Variants in CNTNAP4 observed in about 807,000 individuals in gnomAD.
CNTNAP4 encodes contactin associated protein family member 4.
CNTNAP4 carries 98 observed loss-of-function variants against 148.4 expected under a neutral mutation model. The observed-to-expected ratio is 0.66, with a 90% confidence interval of 0.56 to 0.78. CNTNAP4 has a LOEUF of 0.78. Ranked by LOEUF, CNTNAP4 falls within the 30% of genes least tolerant of loss-of-function variation. CNTNAP4 has a pLI of 0.00. For synonymous variants in CNTNAP4, 730 were observed against 565.1 expected (o/e 1.29, Z -4.14); for missense variants, 1,935 against 1,565.6 (o/e 1.24, Z -3.98).
chr16:76,481,701 A>G (rs1014072850), intron 12 of CNTNAP4, among the ~76,000 whole-genome samples: 4 of 152,196 alleles, frequency 2.6e-5, no homozygotes, highest in Non-Finnish European at 5.9e-5. Flanking sequence ...GGGCAAAATT[A>G]TTATACATTG....
chr16:76,535,780 A>T lies in CNTNAP4; in HGVS notation c.2991A>T (p.Ser997=). The T allele has an allele frequency of 6.2e-7, 1 of 1,613,144 alleles. No individual in the cohort carries two copies. The change falls in exon 18 of 24, where the codon TCA becomes TCT. Residue 997 remains serine, a synonymous_variant. Transcript: ENST00000611870. ...TFSAYTGPFC[S]NEISAYFGSG... ...CTGCATACACAGGGCCATTCTGCTC[A>T]AATGGTAAGTGTGGCATGGAAGACT...
intron 3 of CNTNAP4, among the ~76,000 whole-genome samples, chr16:76,383,607 T>A (rs1336042241): frequency 6.6e-6 from 1 of 152,172 alleles, no homozygotes; most frequent in Non-Finnish European, 1.5e-5. Flanking sequence ...TTGCATACAC[T>A]TATATGCACA....
At chr16:76,544,543 A>G (rs1312485699) in intron 21 of CNTNAP4, among the ~76,000 whole-genome samples, 3 of 152,204 alleles carry the variant, frequency 2.0e-5, no homozygotes, top group Non-Finnish European at 4.4e-5. Flanking sequence ...CAATAATAAT[A>G]TATTGAAAGT....
chr16:76,499,761 C>CT (rs1261328443), intron 15 of CNTNAP4, among the ~76,000 whole-genome samples: 1 of 151,046 alleles, frequency 6.6e-6, no homozygotes, highest in East Asian at 2.0e-4. Context: ...GGTGATGACT[C>CT]TTAACGAGTA....
chr16:76,289,862 C>T (rs1462464633), intron 1 of CNTNAP4, among the ~76,000 whole-genome samples: 1 of 152,130 alleles, frequency 6.6e-6, no homozygotes, highest in Non-Finnish European at 1.5e-5. Flanking sequence ...TGAACCACCG[C>T]ACCTGTCCTT....
intron 12 of CNTNAP4, among the ~76,000 whole-genome samples, chr16:76,482,994 A>T (rs564130982): frequency 6.6e-6 from 1 of 152,272 alleles, no homozygotes; most frequent in South Asian, 2.1e-4. Flanking sequence ...AAGAGAGAAG[A>T]CTTTACAAGT....
chr16:76,316,219 C>A, intron 1 of CNTNAP4, 194 bp from the exon 2 acceptor site: 1 of 606,406 alleles, frequency 1.6e-6, no homozygotes, highest in Non-Finnish European at 2.9e-6. Context: ...TCATATTCTC[C>A]TGTCTTTAAG....
intron 11 of CNTNAP4, 73 bp from the exon 12 acceptor site, chr16:76,479,346 A>G (rs1049751608): frequency 1.9e-5 from 26 of 1,336,024 alleles, no homozygotes; most frequent in Non-Finnish European, 2.5e-5. Flanking sequence ...GATTTGCGGT[A>G]TTTCATGTCC....
intron 2 of CNTNAP4, among the ~76,000 whole-genome samples, chr16:76,354,209 A>G (rs1434520694): frequency 1.3e-5 from 2 of 152,216 alleles, no homozygotes; most frequent in African/African-American, 4.8e-5. Flanking sequence ...AACTTTTACA[A>G]TGATTATATG....
intron 3 of CNTNAP4, among the ~76,000 whole-genome samples, chr16:76,366,399 G>A (rs12919712): frequency 6.6e-6 from 1 of 151,898 alleles, no homozygotes; most frequent in Non-Finnish European, 1.5e-5. Context: ...TTTTCTGTTC[G>A]TGCATTAGTT....
chr16:76,391,175 A>G (rs370134966), intron 3 of CNTNAP4, among the ~76,000 whole-genome samples: 64 of 152,212 alleles, frequency 4.2e-4, no homozygotes, highest in African/African-American at 1.4e-3. Context: ...TCTTTTATCT[A>G]TTGATGTTGA....
intron 11 of CNTNAP4, among the ~76,000 whole-genome samples, chr16:76,478,771 A>G (rs1182561945): frequency 1.3e-5 from 2 of 152,146 alleles, no homozygotes; most frequent in African/African-American, 2.4e-5. Context: ...CATAGTTCAT[A>G]CAAGTATGTC....
At chr16:76,318,490 G>A (rs1445584536) in intron 2 of CNTNAP4, among the ~76,000 whole-genome samples, 23 of 151,626 alleles carry the variant, frequency 1.5e-4, no homozygotes, top group Non-Finnish European at 2.1e-4. Flanking sequence ...TAATGAAACC[G>A]AGACACAAAA....
At chr16:76,381,182 A>G (rs939143695) in intron 3 of CNTNAP4, among the ~76,000 whole-genome samples, 1 of 152,218 alleles carries the variant, frequency 6.6e-6, no homozygotes, top group African/African-American at 2.4e-5. Context: ...TAGTAACTTT[A>G]AAGATGAGAA....
At chr16:76,521,724 G>C (rs2083460635) in intron 16 of CNTNAP4, among the ~76,000 whole-genome samples, 1 of 152,122 alleles carries the variant, frequency 6.6e-6, no homozygotes, top group Non-Finnish European at 1.5e-5. Context: ...TACAATGCCA[G>C]TTGCTATTTA....
At position 76,479,708 on chromosome 16, in the gene CNTNAP4, A is replaced by G. The variant is rs567699253; in HGVS notation, c.1882+170A>G. 3.3e-3 allele frequency among the ~76,000 whole-genome samples: 509 copies of G among 152,292 alleles called. 2 individuals are homozygous for G. The highest frequency in any genetic ancestry group is 0.012 in the African/African-American group (496 of 41,592). Reference sequence around the variant, plus strand: ...TTAAAAAAATAATTAAATGGTAATGATTTTAAATGTCTTTTTTAATGCATG... The same window carrying G: ...TTAAAAAAATAATTAAATGGTAATGGTTTTAAATGTCTTTTTTAATGCATG... On this transcript the variant is annotated intron_variant, in intron 12 of 23. Transcript: ENST00000611870.
chr16:76,347,893 C>T (rs996530276), intron 2 of CNTNAP4, among the ~76,000 whole-genome samples: 5 of 152,140 alleles, frequency 3.3e-5, no homozygotes, highest in African/African-American at 4.8e-5. Flanking sequence ...ATAGTGAGAA[C>T]TTCGTCTTTC....
chr16:76,466,616 C>T (rs2143487606), intron 9 of CNTNAP4, among the ~76,000 whole-genome samples: 1 of 151,920 alleles, frequency 6.6e-6, no homozygotes, highest in Non-Finnish European at 1.5e-5. Context: ...GATAGAGAAA[C>T]ATTTAGAATG....
intron 1 of CNTNAP4, among the ~76,000 whole-genome samples, chr16:76,284,070 AT>A (rs1958790363): frequency 6.6e-6 from 1 of 151,932 alleles, no homozygotes; most frequent in Admixed American, 6.6e-5. Flanking sequence ...CTTATTTTTC[AT>A]TTTTATTCAT....
Sources: gnomAD v4.1 joint callset for allele counts (sites outside exome capture counted in the v4.1 genomes callset) on GRCh38, gnomAD v4.1.1 for gene constraint, MANE v1.5 for transcripts, NCBI Gene and HGNC (gene_info 2026-07-23, HGNC 2026-07-21) for gene names.